The following AGBL1 variants were observed in gnomAD, a reference collection of about 807,000 sequenced individuals.
AGBL1 encodes cytosolic carboxypeptidase 4.
In AGBL1, 130 loss-of-function variants were observed where a neutral mutation model predicts 118.9. The ratio of observed to expected loss-of-function variants is 1.09; its 90% CI spans 0.95 to 1.26. The LOEUF is 1.26. AGBL1 is among the 50% of genes most tolerant of loss of function. AGBL1 has a pLI of 0.00. For missense variants in AGBL1, 1,584 were observed against 1,298.1 expected (o/e 1.22, Z -3.38); for synonymous variants, 555 against 478.9 (o/e 1.16, Z -2.08).
intron 22 of AGBL1, among the ~76,000 whole-genome samples, chr15:86,804,104 T>C (rs887955326): frequency 3.3e-5 from 5 of 152,030 alleles, no homozygotes; most frequent in Admixed American, 2.6e-4. Flanking sequence ...AAAGGGATCA[T>C]GGGAAGTGAC....
chr15:86,734,894 G>A (rs1456888963), intron 22 of AGBL1, among the ~76,000 whole-genome samples: 1 of 152,086 alleles, frequency 6.6e-6, no homozygotes, highest in Non-Finnish European at 1.5e-5. Flanking sequence ...GTAGAATTGT[G>A]AGGGAACAAT....
chr15:86,974,298 A>G (rs1257291647), intron 23 of AGBL1, among the ~76,000 whole-genome samples: 2 of 44,512 alleles, frequency 4.5e-5, no homozygotes, highest in Admixed American at 4.4e-4. Context: ...ATTTTAATAT[A>G]TTAAATATAA....
intron 22 of AGBL1, among the ~76,000 whole-genome samples, chr15:86,745,642 C>T (rs1214747101): frequency 1.3e-5 from 2 of 151,878 alleles, no homozygotes; most frequent in Non-Finnish European, 2.9e-5. Context: ...TATTTAAATC[C>T]CACCTCCCGA....
intron 22 of AGBL1, among the ~76,000 whole-genome samples, chr15:86,745,263 A>G (rs2077739342): frequency 6.6e-6 from 1 of 152,090 alleles, no homozygotes; most frequent in African/African-American, 2.4e-5. Context: ...CTTTCTGAAT[A>G]TATTAACCTT....
chr15:86,196,879 G>GCGCGCACACACACACA (rs756313941), intron 5 of AGBL1, among the ~76,000 whole-genome samples: 3 of 117,014 alleles, frequency 2.6e-5, no homozygotes, highest in African/African-American at 1.1e-4. Context: ...GCGCGCGCGC[G>GCGCGCACACACACACA]CACACACACA....
chr15:86,181,303 T>C (rs2077549457), intron 5 of AGBL1, among the ~76,000 whole-genome samples: 1 of 152,124 alleles, frequency 6.6e-6, no homozygotes. Context: ...AACTGTAATG[T>C]TTTCATACAA....
At chr15:86,646,673 T>A (rs1330883930) in intron 21 of AGBL1, among the ~76,000 whole-genome samples, 2 of 152,138 alleles carry the variant, frequency 1.3e-5, no homozygotes, top group Admixed American at 1.3e-4. Flanking sequence ...ACTGTATGCT[T>A]TTATAGGAAG....
In AGBL1 at chr15:86,892,857, G is replaced by T. The variant is rs1461519303; in HGVS notation, c.3159-14230G>T. ...GTACCTGACAAACACAAAACCCTAGGGAACCATGCTAACTGTCCCGGGTGA... is the reference window on the plus strand; with the variant it reads ...GTACCTGACAAACACAAAACCCTAGTGAACCATGCTAACTGTCCCGGGTGA... On this transcript the variant is annotated intron_variant, in intron 22 of 22. Coordinates refer to ENST00000614907, the MANE Select transcript of AGBL1 (RefSeq NM_001386094.1). Among the ~76,000 whole-genome samples the T allele has an allele frequency of 3.9e-5, 6 of 152,112 alleles. No homozygotes were observed. The East Asian group carries it at 1.2e-3, about 29-fold the overall frequency.
intron 22 of AGBL1, among the ~76,000 whole-genome samples, chr15:86,684,842 A>C (rs2086026103): frequency 6.6e-6 from 1 of 152,302 alleles, no homozygotes; most frequent in South Asian, 2.1e-4. Context: ...TTCTAACATC[A>C]GTAGTAGAGT....
intron 22 of AGBL1, among the ~76,000 whole-genome samples, chr15:86,824,963 A>G (rs2141396461): frequency 6.6e-6 from 1 of 152,176 alleles, no homozygotes; most frequent in Non-Finnish European, 1.5e-5. Context: ...AGGCTGAGGA[A>G]GGGGAATCAC....
At chr15:86,787,415 C>G (rs2078428131) in intron 22 of AGBL1, among the ~76,000 whole-genome samples, 1 of 152,062 alleles carries the variant, frequency 6.6e-6, no homozygotes, top group African/African-American at 2.4e-5. Context: ...AAATCTATAT[C>G]CTCTCATTTT....
intron 21 of AGBL1, among the ~76,000 whole-genome samples, chr15:86,566,703 A>T (rs773305298): frequency 2.4e-4 from 36 of 152,262 alleles, no homozygotes; most frequent in African/African-American, 8.4e-4. Flanking sequence ...TTGCCTCTGT[A>T]TCAGGATACA....
chr15:86,977,492 A>G (rs1181490724), intron 23 of AGBL1, among the ~76,000 whole-genome samples: 2 of 151,722 alleles, frequency 1.3e-5, no homozygotes, highest in Non-Finnish European at 2.9e-5. Flanking sequence ...AGATTAATTT[A>G]TGCCATTATT....
intron 23 of AGBL1, among the ~76,000 whole-genome samples, chr15:86,933,340 G>A (rs886281822): frequency 6.6e-6 from 1 of 152,064 alleles, no homozygotes; most frequent in African/African-American, 2.4e-5. Context: ...CTTGTTTGGG[G>A]GATGAAACCA....
chr15:86,725,054 G>A (rs535239347), intron 22 of AGBL1, among the ~76,000 whole-genome samples: 8 of 152,276 alleles, frequency 5.3e-5, no homozygotes, highest in African/African-American at 1.9e-4. Flanking sequence ...GAGAAAAAAA[G>A]CAGCCACTGT....
intron 18 of AGBL1, among the ~76,000 whole-genome samples, chr15:86,413,543 T>A (rs1187437391): frequency 6.6e-6 from 1 of 152,144 alleles, no homozygotes; most frequent in Non-Finnish European, 1.5e-5. Context: ...TGTTATTTTT[T>A]AATCTTTTTA....
rs928316964 is a variant in AGBL1 at position 86,616,043 on chromosome 15, A to T, written c.2995-58230A>T. On this transcript the variant is annotated intron_variant, in intron 21 of 22. Coordinates refer to ENST00000614907, the MANE Select transcript of AGBL1 (RefSeq NM_001386094.1). Reference sequence around the variant, plus strand: ...AGGATAGCAATTGTCACAATACAATAAAATGAAGATGGGCCAGGAGTATTG... The same window carrying T: ...AGGATAGCAATTGTCACAATACAATTAAATGAAGATGGGCCAGGAGTATTG... Among the ~76,000 whole-genome samples the T allele has an allele frequency of 2.0e-5, 3 of 152,304 alleles. No homozygotes were observed. The East Asian group carries it at 5.8e-4, about 29-fold the overall frequency.
intron 17 of AGBL1, among the ~76,000 whole-genome samples, chr15:86,396,832 C>T (rs887030976): frequency 1.3e-5 from 2 of 152,132 alleles, no homozygotes; most frequent in Non-Finnish European, 2.9e-5. Flanking sequence ...CCTGAGATCC[C>T]AGAGGTAGTG....
At chr15:86,672,831 C>G (rs1278024658) in intron 21 of AGBL1, among the ~76,000 whole-genome samples, 1 of 152,186 alleles carries the variant, frequency 6.6e-6, no homozygotes, top group Non-Finnish European at 1.5e-5. Context: ...GAAGTAATGT[C>G]TCCTTTCTTT....
Sources: gnomAD v4.1 joint callset for allele counts (sites outside exome capture counted in the v4.1 genomes callset) on GRCh38, gnomAD v4.1.1 for gene constraint, MANE v1.5 for transcripts, NCBI Gene and HGNC (gene_info 2026-07-23, HGNC 2026-07-21) for gene names.